Variants in OR4K1 observed in about 807,000 individuals in gnomAD.
OR4K1 encodes the protein olfactory receptor 4K1.
A neutral mutation model predicts 14.4 loss-of-function variants in OR4K1; 16 were observed. The ratio of observed to expected loss-of-function variants is 1.11; its 90% confidence interval spans 0.75 to 1.68. The LOEUF is 1.68. OR4K1 is among the 40% of genes most tolerant of loss of function. The pLI is 0.00. For synonymous variants in OR4K1, 181 were observed against 133.1 expected (o/e 1.36, Z -2.48); for missense variants, 548 against 376.9 (o/e 1.45, Z -3.76).
chr14:19,932,866 T>G (rs1295591300), intron 1 of OR4K1, among the ~76,000 whole-genome samples: 1 of 152,086 alleles, frequency 6.6e-6, no homozygotes, highest in African/African-American at 2.4e-5. Context: ...TCATTTGTGA[T>G]AAGATTTGCC....
the OR4K1 span, among the ~76,000 whole-genome samples, chr14:19,924,456 T>C: frequency 6.7e-6 from 1 of 150,364 alleles, no homozygotes. Context: ...AATGCTATCA[T>C]TTGGTAAACT....
chr14:19,924,244 T>C, the OR4K1 span, among the ~76,000 whole-genome samples: 2 of 151,746 alleles, frequency 1.3e-5, no homozygotes, highest in Non-Finnish European at 2.9e-5. Flanking sequence ...CTACTAAAAA[T>C]ACAAAATTAG....
At chr14:19,920,757 T>C in the OR4K1 span, 2 of 1,614,174 alleles carry the variant, frequency 1.2e-6, no homozygotes, top group Non-Finnish European at 1.7e-6. Context: ...CACAGTGACT[T>C]CTGATACCAG....
At chr14:19,921,313 C>T in the OR4K1 span, 3 of 1,614,180 alleles carry the variant, frequency 1.9e-6, no homozygotes, top group East Asian at 4.5e-5. Flanking sequence ...ATGGCAAAGG[C>T]ATTTTCTACG....
At chr14:19,922,823 C>T in the OR4K1 span, among the ~76,000 whole-genome samples, 1 of 152,172 alleles carries the variant, frequency 6.6e-6, no homozygotes, top group Non-Finnish European at 1.5e-5. Context: ...TGATCTGTTC[C>T]CCATCACTCT....
At chr14:19,935,409 T>C (rs1882281658) in intron 1 of OR4K1, among the ~76,000 whole-genome samples, 1 of 152,252 alleles carries the variant, frequency 6.6e-6, no homozygotes, top group South Asian at 2.1e-4. Context: ...TTAGTATGTG[T>C]AGTTTTTTCT....
At chr14:19,928,254 A>G (rs1882102892), upstream of OR4K1, among the ~76,000 whole-genome samples, 1 of 152,206 alleles carries the variant, frequency 6.6e-6, no homozygotes, top group Non-Finnish European at 1.5e-5. Context: ...TGTCCCAACA[A>G]TTCTAGGATT....
At chr14:19,921,664 T>A in the OR4K1 span, 2 of 1,344,614 alleles carry the variant, frequency 1.5e-6, no homozygotes, top group Non-Finnish European at 2.0e-6. Context: ...GTGGGGAAAG[T>A]AGTGAAGAAG....
chr14:19,922,075 C>CT, the OR4K1 span, among the ~76,000 whole-genome samples: 4 of 129,704 alleles, frequency 3.1e-5, no homozygotes, highest in South Asian at 2.5e-4. Flanking sequence ...AGACTCCCCC[C>CT]CCCAAAAATC....
intron 1 of OR4K1, among the ~76,000 whole-genome samples, chr14:19,932,503 G>A (rs1343563641): frequency 6.6e-6 from 1 of 152,184 alleles, no homozygotes; most frequent in Non-Finnish European, 1.5e-5. Context: ...TGTTAGAAAA[G>A]GAGTTGAGAA....
intron 1 of OR4K1, among the ~76,000 whole-genome samples, chr14:19,931,559 T>G (rs1188045371): frequency 6.6e-6 from 1 of 152,254 alleles, no homozygotes; most frequent in African/African-American, 2.4e-5. Context: ...AGTATATCCT[T>G]TATTGTTTGC....
intron 1 of OR4K1, 74 bp from the exon 2 acceptor site, chr14:19,935,574 T>A: frequency 9.0e-7 from 1 of 1,109,588 alleles, no homozygotes; most frequent in East Asian, 2.4e-5. Flanking sequence ...GAATTGACTA[T>A]ATTTCTTTTG....
chr14:19,933,389 T>A lies in OR4K1; in HGVS notation c.-20+2244T>A, dbSNP rs567882977. ...ATTCATAACTATAGCTCTTTAGGAA[T>A]TTTTTTACTCTTAGGAATGGGAATA... On this transcript the variant is annotated intron_variant, in intron 1 of 1. Coordinates refer to ENST00000641172, the MANE Select transcript of OR4K1 (RefSeq NM_001004063.3). Among the ~76,000 whole-genome samples the A allele has an allele frequency of 9.8e-5, 15 of 152,316 alleles. No homozygotes were observed. The East Asian group carries it at 2.9e-3, about 29-fold the overall frequency.
chr14:19,928,987 A>T (rs1882122670), upstream of OR4K1, among the ~76,000 whole-genome samples: 1 of 151,806 alleles, frequency 6.6e-6, no homozygotes, highest in Non-Finnish European at 1.5e-5. Context: ...AAAAATGATT[A>T]AGTCAATCAA....
At chr14:19,920,948 A>T in the OR4K1 span, 1 of 1,614,144 alleles carries the variant, frequency 6.2e-7, no homozygotes, top group Non-Finnish European at 8.5e-7. Context: ...AGATGGTGCT[A>T]CTTGTTTCGA....
upstream of OR4K1, among the ~76,000 whole-genome samples, chr14:19,927,392 A>G (rs1406323292): frequency 6.6e-6 from 1 of 152,260 alleles, no homozygotes; most frequent in Non-Finnish European, 1.5e-5. Flanking sequence ...AAGTAAAAAT[A>G]AACATGAATT....
At chr14:19,934,036 T>C (rs2138594707) in intron 1 of OR4K1, among the ~76,000 whole-genome samples, 1 of 152,392 alleles carries the variant, frequency 6.6e-6, no homozygotes, top group African/African-American at 2.4e-5. Flanking sequence ...GGTTTACCAT[T>C]ACCTATACAA....
At chr14:19,925,824 A>C in the OR4K1 span, among the ~76,000 whole-genome samples, 7 of 152,388 alleles carry the variant, frequency 4.6e-5, no homozygotes, top group Admixed American at 2.6e-4. Context: ...TCCATTGACT[A>C]AATAGAGACA....
chr14:19,935,098 T>C (rs1882274918), intron 1 of OR4K1, among the ~76,000 whole-genome samples: 1 of 152,270 alleles, frequency 6.6e-6, no homozygotes, highest in Non-Finnish European at 1.5e-5. Context: ...TAATTTTTAT[T>C]GTTTCTTAGC....
Sources: gnomAD v4.1 joint callset for allele counts (sites outside exome capture counted in the v4.1 genomes callset) on GRCh38, gnomAD v4.1.1 for gene constraint, MANE v1.5 for transcripts, NCBI Gene and HGNC (gene_info 2026-07-23, HGNC 2026-07-21) for gene names.